Variants in TMEM209 observed in about 807,000 individuals in gnomAD.
The protein encoded by TMEM209 is transmembrane protein 209, also known as testicular tissue protein Li 202.
A neutral mutation model predicts 76.2 loss-of-function variants in TMEM209; 65 were observed. The ratio of observed to expected loss-of-function variants is 0.85; its 90% CI spans 0.70 to 1.05. The LOEUF (loss-of-function observed/expected upper bound fraction) is 1.05. Among genes scored for constraint, TMEM209 ranks in the 50% least tolerant of loss-of-function variants. The pLI is 0.00. For missense variants in TMEM209, 623 were observed against 685.5 expected, an observed-to-expected ratio of 0.91 and a Z score of 1.02; for synonymous variants, 239 against 237.6, an observed-to-expected ratio of 1.01 and a Z score of -0.06.
intron 5 of TMEM209, 113 bp downstream of exon 5, chr7:130,201,737 T>C (rs1318666955): frequency 1.9e-5 from 26 of 1,351,424 alleles, no homozygotes; most frequent in Non-Finnish European, 2.3e-5. Context: ...ATGGGTGTTC[T>C]GGGCAAATCA....
intron 6 of TMEM209, among the ~76,000 whole-genome samples, chr7:130,187,543 G>C (rs1797643572): frequency 1.3e-5 from 2 of 151,236 alleles, no homozygotes. Context: ...GGTCCTGGTA[G>C]AGGACCAGGA....
chr7:130,188,759 C>T (rs967198301), intron 6 of TMEM209, among the ~76,000 whole-genome samples: 3 of 152,050 alleles, frequency 2.0e-5, no homozygotes, highest in Non-Finnish European at 2.9e-5. Flanking sequence ...ATCAACTTAA[C>T]CAAGTGATCC....
At chr7:130,183,967 A>G (rs967977526) in intron 8 of TMEM209, among the ~76,000 whole-genome samples, 1 of 152,190 alleles carries the variant, frequency 6.6e-6, no homozygotes, top group Admixed American at 6.5e-5. Flanking sequence ...TTATCTTCTC[A>G]AAACATAACA....
At chr7:130,205,320 C>CAACCCGCGTAGATTCCA in intron 1 of TMEM209, 53 bp downstream of exon 1, 1 of 1,613,820 alleles carries the variant, frequency 6.2e-7, no homozygotes, top group Non-Finnish European at 8.5e-7. Flanking sequence ...GGAACTCCCA[C>CAACCCGCGTAGATTCCA]AACCCGCGTA....
intron 5 of TMEM209, among the ~76,000 whole-genome samples, chr7:130,194,393 C>T (rs1177521381): frequency 6.7e-6 from 1 of 149,214 alleles, no homozygotes; most frequent in Non-Finnish European, 1.5e-5. Context: ...TGGTGAGCCA[C>T]GACTGTGCCA....
At chr7:130,170,961 T>A (rs1797049161) in intron 13 of TMEM209, among the ~76,000 whole-genome samples, 1 of 152,050 alleles carries the variant, frequency 6.6e-6, no homozygotes, top group African/African-American at 2.4e-5. Flanking sequence ...CCCAAGTAGC[T>A]GGGACCACAG....
intron 13 of TMEM209, 124 bp from the exon 14 acceptor site, chr7:130,170,597 T>C (rs1584663830): frequency 6.5e-6 from 5 of 763,448 alleles, no homozygotes; most frequent in Middle Eastern, 3.8e-4. Context: ...CAGACTTTCA[T>C]TTATTTATTA....
At chr7:130,176,541 G>A (rs1294777713) in intron 10 of TMEM209, among the ~76,000 whole-genome samples, 5 of 152,062 alleles carry the variant, frequency 3.3e-5, no homozygotes, top group Non-Finnish European at 5.9e-5. Flanking sequence ...CTAACTACAA[G>A]GCAATCTTGC....
rs566076539 is a variant in TMEM209, at chr7:130,184,373, A to G, written c.952-118T>C. ...AACTTTGAAAAAAAATTTCCCAAAC[A>G]TCAATATTCATCTAATTAATATTCA... On this transcript the variant is annotated intron_variant, in intron 7 of 14. Transcript: ENST00000397622. The G allele has an allele frequency of 1.1e-5, 7 of 636,798 alleles. No homozygotes were observed. The South Asian group carries it at 1.5e-4, about 14-fold the overall frequency. The allele number at this position is 636,798 out of a possible 1,614,324, so 39.4% of individuals were successfully genotyped here.
intron 11 of TMEM209, chr7:130,175,298 C>T (rs139604303): frequency 3.9e-5 from 17 of 438,412 alleles, no homozygotes; most frequent in Non-Finnish European, 6.4e-5. Context: ...CCCATCTCTA[C>T]AAAAAATTAA....
chr7:130,169,136 A>C (rs1024386909), intron 14 of TMEM209, among the ~76,000 whole-genome samples: 9 of 145,874 alleles, frequency 6.2e-5, no homozygotes, highest in South Asian at 4.4e-4. Flanking sequence ...CAGAGGTTGC[A>C]GTGAGCTGAG....
chr7:130,199,756 T>C (rs1318852505), intron 5 of TMEM209: 1 of 152,198 alleles, frequency 6.6e-6, no homozygotes, highest in East Asian at 1.9e-4. Flanking sequence ...TCACTTCTTT[T>C]GTACAAATAG....
intron 10 of TMEM209, among the ~76,000 whole-genome samples, chr7:130,178,076 T>C (rs1011922951): frequency 6.6e-6 from 1 of 151,848 alleles, no homozygotes; most frequent in Non-Finnish European, 1.5e-5. Flanking sequence ...AATAAGAATA[T>C]CACAGAAATA....
At chr7:130,180,438 G>A (rs951402970) in intron 9 of TMEM209, among the ~76,000 whole-genome samples, 8 of 151,790 alleles carry the variant, frequency 5.3e-5, no homozygotes, top group African/African-American at 9.7e-5. Context: ...AGACGATCTC[G>A]GCTCACTGCA....
chr7:130,182,858 C>A (rs1195646476), intron 8 of TMEM209, among the ~76,000 whole-genome samples: 2 of 152,172 alleles, frequency 1.3e-5, no homozygotes, highest in Admixed American at 6.5e-5. Context: ...ACTGGCAAGA[C>A]TTGAACTGAA....
chr7:130,205,237 T>C lies in TMEM209; in HGVS notation c.3+136A>G, dbSNP rs1052767080. 1.9e-6 allele frequency: 3 copies of C among 1,599,736 alleles called. 1 individual carries two copies. Among genetic ancestry groups the C allele is most frequent in the South Asian group, 1.1e-5 (1 of 90,860 alleles). Reference sequence around the variant, plus strand: ...CTTCAGCAACCCTATTGCTTCTTTCTTCCCTTCCCCTAGAGAGGCGGAACG... The same window carrying C: ...CTTCAGCAACCCTATTGCTTCTTTCCTCCCTTCCCCTAGAGAGGCGGAACG... On this transcript the variant is annotated intron_variant, in intron 1 of 14. Coordinates refer to ENST00000397622, the MANE Select transcript of TMEM209 (RefSeq NM_032842.4).
In TMEM209 at chr7:130,184,165, G is replaced by C; in HGVS notation, c.1023+19C>G. 6.4e-7 allele frequency: 1 copy of C among 1,564,920 alleles called. No homozygotes were observed. On this transcript the variant is annotated intron_variant, in intron 8 of 14. Transcript: ENST00000397622. The stretch of plus-strand genomic sequence containing the variant: ...TTAAGAGGCACTAATATTGTCCAAA[G>C]AGTAATGTCAGAACTTACATTTCTA...
At chr7:130,186,610 G>GT (rs1370003951) in intron 6 of TMEM209, among the ~76,000 whole-genome samples, 3 of 152,098 alleles carry the variant, frequency 2.0e-5, no homozygotes, top group East Asian at 1.9e-4. Flanking sequence ...TTTAAGAAAC[G>GT]TAAGTTTTCT....
At chr7:130,187,956 G>A (rs1797657676) in intron 6 of TMEM209, among the ~76,000 whole-genome samples, 2 of 152,096 alleles carry the variant, frequency 1.3e-5, no homozygotes, top group Non-Finnish European at 2.9e-5. Context: ...AAAATGGTCA[G>A]TATTTAACCT....
Sources: allele counts gnomAD v4.1 joint callset (sites outside exome capture counted in the v4.1 genomes callset), GRCh38; gene constraint gnomAD v4.1.1; transcripts MANE v1.5; gene names NCBI Gene and HGNC (gene_info 2026-07-23, HGNC 2026-07-21).